ZDHHC20: variants seen among roughly 807,000 people sequenced by gnomAD.
ZDHHC20 encodes the protein zDHHC palmitoyltransferase 20.
In ZDHHC20, 43 loss-of-function variants were observed where a neutral mutation model predicts 57.8. The ratio of observed to expected loss-of-function variants is 0.74; its 90% confidence interval spans 0.58 to 0.96. ZDHHC20 has a LOEUF of 0.96. ZDHHC20 is among the 40% of genes least tolerant of loss of function. The pLI is 0.00. For missense variants in ZDHHC20, 391 were observed against 441.1 expected (o/e 0.89, Z 1.02); for synonymous variants, 157 against 153.0 (o/e 1.03, Z -0.19).
intron 4 of ZDHHC20, among the ~76,000 whole-genome samples, chr13:21,406,542 A>C (rs1424554663): frequency 7.0e-4 from 89 of 127,030 alleles, no homozygotes; most frequent in Middle Eastern, 3.6e-3. Flanking sequence ...CTTCCCCTCC[A>C]CCCCCCGACA....
intron 1 of ZDHHC20, among the ~76,000 whole-genome samples, chr13:21,458,148 A>C (rs11839663): frequency 0.025 from 3,837 of 152,276 alleles, 153 homozygotes; most frequent in African/African-American, 0.087. Context: ...AGTCACCCCT[A>C]AACAGTGTTT....
intron 7 of ZDHHC20, among the ~76,000 whole-genome samples, chr13:21,397,880 AT>A (rs1353029590): frequency 1.3e-5 from 2 of 152,122 alleles, no homozygotes; most frequent in Non-Finnish European, 2.9e-5. Flanking sequence ...AAAGGAGAGA[AT>A]AAAGACAGGA....
rs201490960 is a variant in ZDHHC20, at chr13:21,430,512, A to AG, written c.119-4835dup. On this transcript the variant is annotated intron_variant, in intron 1 of 12. Coordinates refer to ENST00000400590, the MANE Select transcript of ZDHHC20 (RefSeq NM_001330059.2). ...AGGAATACTGGGGAAGAGACACAGGAGGGGGGTCTTGTTACAGCTGGGCAA... is the reference window on the plus strand; with the variant it reads ...AGGAATACTGGGGAAGAGACACAGGAGGGGGGGTCTTGTTACAGCTGGGCAA... Among the ~76,000 whole-genome samples the AG allele has an allele frequency of 5.3e-3, 804 of 151,916 alleles. 6 individuals carry two copies. Among genetic ancestry groups the AG allele is most frequent in the Middle Eastern group, 0.01 (3 of 290 alleles).
intron 4 of ZDHHC20, among the ~76,000 whole-genome samples, chr13:21,409,985 C>G (rs1275948340): frequency 6.6e-6 from 1 of 152,160 alleles, no homozygotes; most frequent in Non-Finnish European, 1.5e-5. Flanking sequence ...GAATTTTCAG[C>G]CTTTTTGCAC....
chr13:21,388,349 T>C (rs1874983160), intron 8 of ZDHHC20, among the ~76,000 whole-genome samples: 1 of 152,172 alleles, frequency 6.6e-6, no homozygotes, highest in Middle Eastern at 3.4e-3. Context: ...TTGGGAGGGA[T>C]TGCTGATATA....
At chr13:21,407,312 T>C (rs1878583547) in intron 4 of ZDHHC20, among the ~76,000 whole-genome samples, 1 of 152,190 alleles carries the variant, frequency 6.6e-6, no homozygotes, top group South Asian at 2.1e-4. Context: ...GACTTTTTAA[T>C]GATCGCCATT....
chr13:21,414,737 C>G (rs1171793146), intron 3 of ZDHHC20, among the ~76,000 whole-genome samples: 1 of 151,770 alleles, frequency 6.6e-6, no homozygotes, highest in African/African-American at 2.4e-5. Flanking sequence ...TGGTTCGTTT[C>G]TCTTAATAGC....
Position 21,421,004 on chromosome 13 carries a change from GA to G in ZDHHC20, c.249+56del, listed in dbSNP as rs376037665. The G allele has an allele frequency of 4.3e-4, 614 of 1,420,484 alleles. 4 individuals carry two copies. The African/African-American group carries it at 7.0e-3, about 16-fold the overall frequency. The allele number at this position is 1,420,484 out of a possible 1,614,324, so 88.0% of individuals were successfully genotyped here. A position where few individuals can be genotyped will look rare whatever the true frequency, so the allele number is the denominator to read the frequency against. On this transcript the variant is annotated intron_variant, in intron 3 of 12. Transcript: ENST00000400590. ...AAGTTTTAACAAAGGTAACACAAGG[GA>G]AAAAAAATTCCATAATCAGTTAAAA... is the stretch of plus-strand genomic sequence containing the variant.
intron 4 of ZDHHC20, among the ~76,000 whole-genome samples, chr13:21,403,877 A>G (rs1222992098): frequency 2.0e-5 from 3 of 152,196 alleles, no homozygotes; most frequent in East Asian, 1.9e-4. Context: ...TAGTAGAGAC[A>G]GGGTTTCACC....
At chr13:21,426,327 T>C (rs1286323773) in intron 1 of ZDHHC20, among the ~76,000 whole-genome samples, 8 of 152,212 alleles carry the variant, frequency 5.3e-5, no homozygotes. Context: ...GATAATTCAA[T>C]GGCCTCGAGT....
At chr13:21,420,345 T>A (rs1204992390) in intron 3 of ZDHHC20, among the ~76,000 whole-genome samples, 2 of 152,156 alleles carry the variant, frequency 1.3e-5, no homozygotes, top group Non-Finnish European at 2.9e-5. Context: ...CCTCACAATC[T>A]TTACAAACAT....
chr13:21,422,085 T>TTAGAAGG (rs1880706123), intron 2 of ZDHHC20, among the ~76,000 whole-genome samples: 1 of 152,082 alleles, frequency 6.6e-6, no homozygotes, highest in Non-Finnish European at 1.5e-5. Context: ...TGCAAAACAC[T>TTAGAAGG]TAGAAGGATG....
chr13:21,430,837 GCTT>G lies in ZDHHC20; in HGVS notation c.119-5162_119-5160del, dbSNP rs374652557. 2.5e-4 allele frequency among the ~76,000 whole-genome samples: 38 copies of G among 152,122 alleles called. No individual in the cohort carries two copies. The East Asian group carries it at 6.0e-3, about 24-fold the overall frequency. ...GGTCGCAAGGTCCCTAGCTGATCTG[GCTT>G]CTTCTTGATACCTTTCAGAGTCTCC... On this transcript the variant is annotated intron_variant, in intron 1 of 12. Coordinates refer to ENST00000400590, the MANE Select transcript of ZDHHC20 (RefSeq NM_001330059.2).
At chr13:21,406,683 C>T (rs1878493498) in intron 4 of ZDHHC20, among the ~76,000 whole-genome samples, 1 of 152,114 alleles carries the variant, frequency 6.6e-6, no homozygotes, top group African/African-American at 2.4e-5. Context: ...TGGCTTCCAG[C>T]TTCATCCATG....
At position 21,421,066 on chromosome 13, in the gene ZDHHC20, T is replaced by C. The variant is rs1316198423; in HGVS notation, c.244A>G (p.Lys82Glu). 5 of 1,611,736 alleles carry C rather than the reference T, an allele frequency of 3.1e-6. No homozygotes were observed. In the African/African-American group the frequency reaches 4.0e-5, roughly 13 times the overall value. The change falls in exon 3 of 13, where the codon AAA becomes GAA. Residue 82 changes from lysine to glutamate, a missense_variant. Physicochemically the swap from Lys to Glu is moderately conservative, Grantham distance 56. Transcript: ENST00000400590. ...TTTACCAACATTAAATTTACCTCTTTGGAGGGGGAAGCGGGAGATGTGAAA... is the reference window on the plus strand; with the variant it reads ...TTTACCAACATTAAATTTACCTCTTCGGAGGGGGAAGCGGGAGATGTGAAA... Reference protein sequence around the residue: ...TIFTSPASPSKEFYLSNSEKE... With the variant: ...TIFTSPASPSEEFYLSNSEKE...
intron 3 of ZDHHC20, among the ~76,000 whole-genome samples, chr13:21,420,122 ACTGAAAATACAAAAATTAG>A (rs1480415746): frequency 6.6e-6 from 1 of 152,118 alleles, no homozygotes. Flanking sequence ...TCCCGTCTCT[ACTGAAAATACAAAAATTAG>A]CCGGGCATGG....
At chr13:21,454,298 C>T (rs1312651336) in intron 1 of ZDHHC20, among the ~76,000 whole-genome samples, 2 of 152,132 alleles carry the variant, frequency 1.3e-5, no homozygotes, top group Non-Finnish European at 2.9e-5. Flanking sequence ...TGCACTGAAG[C>T]TTGGGCAACA....
chr13:21,429,405 T>C (rs1162006342), intron 1 of ZDHHC20, among the ~76,000 whole-genome samples: 4 of 152,270 alleles, frequency 2.6e-5, no homozygotes, highest in Non-Finnish European at 5.9e-5. Flanking sequence ...GGTTGACAGT[T>C]CTTTTCATTC....
intron 1 of ZDHHC20, among the ~76,000 whole-genome samples, chr13:21,436,495 TATC>T (rs1415808783): frequency 2.0e-5 from 3 of 152,228 alleles, no homozygotes; most frequent in African/African-American, 2.4e-5. Context: ...CCTTTTTCAT[TATC>T]ATAATATCTG....
Sources: allele counts gnomAD v4.1 joint callset (sites outside exome capture counted in the v4.1 genomes callset), GRCh38; gene constraint gnomAD v4.1.1; transcripts MANE v1.5; gene names NCBI Gene and HGNC (gene_info 2026-07-23, HGNC 2026-07-21).